Variants in SP6 observed in about 807,000 individuals in gnomAD.
The protein encoded by SP6 is transcription factor Sp6.
A neutral mutation model predicts 23.4 loss-of-function variants in SP6; 10 were observed. The observed-to-expected ratio is 0.43, with a 90% confidence interval of 0.26 to 0.72. The LOEUF (loss-of-function observed/expected upper bound fraction) is 0.72, where lower values mean the gene tolerates loss of function less well. Ranked by LOEUF, SP6 falls within the 30% of genes least tolerant of loss-of-function variation. The probability of loss-of-function intolerance (pLI) is 0.23; values close to 1 mark genes in which losing one functional copy is unlikely to be tolerated. For missense variants in SP6, 482 were observed against 523.8 expected, an observed-to-expected ratio of 0.92 and a Z score of 0.78; for synonymous variants, 238 against 238.7, an observed-to-expected ratio of 1.00 and a Z score of 0.03.
rs2143643932 is a variant in SP6 at position 47,846,332 on chromosome 17, A to C, written c.*967T>G. On this transcript the variant is annotated 3_prime_UTR_variant, in exon 2 of 2. Transcript: ENST00000536300. ...CAATCTGCCCTCAACCAGCCCAAGAAACCCTCTTCCTTCCATCCCTGAGGG... is the reference window on the plus strand; with the variant it reads ...CAATCTGCCCTCAACCAGCCCAAGACACCCTCTTCCTTCCATCCCTGAGGG... The C allele has an allele frequency of 6.6e-6, 1 of 152,302 alleles. No individual in the cohort carries two copies. The highest frequency in any genetic ancestry group is 1.9e-4 in the East Asian group (1 of 5,172). The allele number at this position is 152,302 out of a possible 1,614,324, so 9.4% of individuals were successfully genotyped here. A position where few individuals can be genotyped will look rare whatever the true frequency, so the allele number is the denominator to read the frequency against.
the SP6 span, among the ~76,000 whole-genome samples, chr17:47,869,581 C>G: frequency 6.6e-6 from 1 of 152,168 alleles, no homozygotes; most frequent in Non-Finnish European, 1.5e-5. Context: ...ACGAATCTCA[C>G]GGACACTCAG....
chr17:47,860,429 T>G (rs2034027320), upstream of SP6, among the ~76,000 whole-genome samples: 1 of 152,256 alleles, frequency 6.6e-6, no homozygotes. Context: ...TGGAAATTTC[T>G]GTTCATCTTT....
At chr17:47,858,518 A>G (rs1467009698), upstream of SP6, among the ~76,000 whole-genome samples, 1 of 152,134 alleles carries the variant, frequency 6.6e-6, no homozygotes, top group Admixed American at 6.5e-5. Context: ...TCATCTTTTT[A>G]TCTTAGGGCA....
the SP6 span, among the ~76,000 whole-genome samples, chr17:47,872,043 C>T: frequency 1.3e-5 from 2 of 152,136 alleles, no homozygotes; most frequent in Non-Finnish European, 2.9e-5. Flanking sequence ...TCTTTCATTT[C>T]CTTTACAGCA....
upstream of SP6, among the ~76,000 whole-genome samples, chr17:47,857,895 G>C (rs1052470911): frequency 6.6e-6 from 1 of 152,010 alleles, no homozygotes; most frequent in African/African-American, 2.4e-5. Flanking sequence ...CTTGATCTCA[G>C]CTCCCCTACC....
At chr17:47,865,477 C>T in the SP6 span, among the ~76,000 whole-genome samples, 1 of 152,148 alleles carries the variant, frequency 6.6e-6, no homozygotes, top group Non-Finnish European at 1.5e-5. Flanking sequence ...CCTCCTCCAT[C>T]CTCCTGCCTC....
At chr17:47,863,458 T>TGAAGGAAGGAAGGGAAGAAA in the SP6 span, 1 of 150,608 alleles carries the variant, frequency 6.6e-6, no homozygotes, top group South Asian at 2.1e-4. Context: ...GACGAATAGA[T>TGAAGGAAGGAAGGGAAGAAA]GAAGGAAGGA....
At chr17:47,875,065 T>C in the SP6 span, among the ~76,000 whole-genome samples, 13,663 of 152,052 alleles carry the variant, frequency 0.09, 702 homozygotes, top group East Asian at 0.24. Context: ...AGCTTTGTCA[T>C]TTCCCCTCTC....
chr17:47,856,290 G>A (rs1217269050), upstream of SP6, among the ~76,000 whole-genome samples: 1 of 152,192 alleles, frequency 6.6e-6, no homozygotes, highest in Non-Finnish European at 1.5e-5. Flanking sequence ...AGAGGACCCA[G>A]TGTAATCTAT....
chr17:47,870,829 G>A, the SP6 span, among the ~76,000 whole-genome samples: 22 of 152,086 alleles, frequency 1.4e-4, no homozygotes, highest in Non-Finnish European at 2.5e-4. Context: ...CTCCTCCTGC[G>A]CTGAACTCAG....
chr17:47,865,441 C>T, the SP6 span, among the ~76,000 whole-genome samples: 82 of 152,224 alleles, frequency 5.4e-4, 1 homozygote, highest in East Asian at 0.013. Context: ...CCACCAGGAC[C>T]GAAAGAGCCT....
the SP6 span, among the ~76,000 whole-genome samples, chr17:47,872,349 G>T: frequency 6.6e-6 from 1 of 152,034 alleles, no homozygotes; most frequent in East Asian, 1.9e-4. Flanking sequence ...TCCCGGAGCC[G>T]GCTTGCAGGC....
the SP6 span, among the ~76,000 whole-genome samples, chr17:47,875,240 C>T: frequency 1.6e-4 from 24 of 152,186 alleles, no homozygotes; most frequent in African/African-American, 5.3e-4. Flanking sequence ...CTCCCTGCTT[C>T]CCCGGGGGGG....
rs751795198 is a variant in SP6 at position 47,847,898 on chromosome 17, C to T, written c.532G>A (p.Gly178Arg). 1.3e-6 allele frequency: 2 copies of T among 1,560,812 alleles called. No homozygotes were observed. Among genetic ancestry groups the T allele is most frequent in the Non-Finnish European group, 1.7e-6 (2 of 1,152,854 alleles). Residue 178 changes from glycine (G) to arginine (R), a missense_variant, in exon 2 of 2, where the codon GGA (glycine) becomes AGA (arginine). Physicochemically the swap from Gly to Arg is moderately radical, Grantham distance 125 (BLOSUM62 -2). Around this residue, in one of 3 missense-constraint regions of SP6, gnomAD observed 330 missense variants for 332.3 expected, o/e 0.99. Coordinates refer to ENST00000536300, the MANE Select transcript of SP6 (RefSeq NM_001258248.2). The stretch of plus-strand genomic sequence containing the variant: ...GGCGGCCCTAGGAGATGCTGCCCTC[C>T]GGCAGCTGGAAGGAGGTGGTGCGCA... ...PHAHHLLPAA[G>R]GQHLLGPPDG...
chr17:47,867,131 G>A, the SP6 span, among the ~76,000 whole-genome samples: 10 of 152,218 alleles, frequency 6.6e-5, no homozygotes, highest in Middle Eastern at 3.4e-3. Flanking sequence ...GTCAGACCCC[G>A]TCTTATCGCG....
At chr17:47,861,931 G>T in the SP6 span, among the ~76,000 whole-genome samples, 1 of 152,050 alleles carries the variant, frequency 6.6e-6, no homozygotes, top group East Asian at 1.9e-4. Context: ...TGTAGTCCCA[G>T]CTACTTGGGA....
At chr17:47,873,787 C>T in the SP6 span, among the ~76,000 whole-genome samples, 4 of 151,986 alleles carry the variant, frequency 2.6e-5, no homozygotes, top group Admixed American at 2.0e-4. Context: ...CTCCCCTTTT[C>T]TTTTCTCTTT....
upstream of SP6, among the ~76,000 whole-genome samples, chr17:47,854,155 C>A (rs141341743): frequency 7.9e-5 from 12 of 152,284 alleles, no homozygotes; most frequent in East Asian, 1.5e-3. Context: ...GTGTCCAACC[C>A]CCATTCCTGC....
chr17:47,847,701 A>C lies in SP6; in HGVS notation c.729T>G (p.Cys243Trp), dbSNP rs745727069. Residue 243 changes from cysteine (C) to tryptophan (W), a missense_variant, in exon 2 of 2, where the codon TGT becomes TGG. This residue lies in a region of SP6 where 330 missense variants were observed against 332.3 expected (regional missense o/e 0.99). Coordinates refer to ENST00000536300, the MANE Select transcript of SP6 (RefSeq NM_001258248.2). ...CLEAERLGAP[C>W]GPDGGKKKHL... ...GCTTCTTCTTGCCCCCATCGGGCCC[A>C]CATGGAGCCCCCAGTCGCTCCGCCT... 7.5e-6 allele frequency: 12 copies of C among 1,604,858 alleles called. No homozygotes were observed. The African/African-American group carries it at 1.2e-4, about 16-fold the overall frequency.
Sources: allele counts gnomAD v4.1 joint callset (sites outside exome capture counted in the v4.1 genomes callset), GRCh38; gene constraint gnomAD v4.1.1; regional missense constraint gnomAD v4.1.1; transcripts MANE v1.5; gene names NCBI Gene and HGNC (gene_info 2026-07-23, HGNC 2026-07-21).